Variants in RAD54L observed in about 807,000 individuals in gnomAD.
The protein encoded by RAD54L is RAD54 like, also known as DNA repair and recombination protein RAD54-like.
RAD54L carries 74 observed loss-of-function variants against 91.6 expected under a neutral mutation model. The observed-to-expected ratio is 0.81, with a 90% confidence interval of 0.67 to 0.98. RAD54L has a LOEUF of 0.98. Among genes scored for constraint, RAD54L ranks in the 50% least tolerant of loss-of-function variants. RAD54L has a pLI of 0.00. For missense variants in RAD54L, 887 were observed against 945.7 expected, an observed-to-expected ratio of 0.94 and a Z score of 0.81; for synonymous variants, 304 against 349.7, an observed-to-expected ratio of 0.87 and a Z score of 1.46.
intron 3 of RAD54L, among the ~76,000 whole-genome samples, chr1:46,252,037 C>T (rs1029673142): frequency 6.6e-6 from 1 of 152,146 alleles, no homozygotes; most frequent in African/African-American, 2.4e-5. Context: ...AACAGGAGAC[C>T]TATGGGTCTG....
At chr1:46,274,302 A>ATTT (rs375364553) in intron 15 of RAD54L, 86 bp downstream of exon 15, 47 of 1,182,632 alleles carry the variant, frequency 4.0e-5, no homozygotes, top group African/African-American at 2.5e-4. Flanking sequence ...GGTTACCTTG[A>ATTT]TTTTTTTTTT....
At chr1:46,258,568 C>T in intron 3 of RAD54L, 118 bp from the exon 4 acceptor site, 1 of 812,068 alleles carries the variant, frequency 1.2e-6, no homozygotes, top group Non-Finnish European at 2.1e-6. Context: ...TTTGTAGAAC[C>T]TTACATAAAG....
chr1:46,266,163 A>G, intron 8 of RAD54L, among the ~76,000 whole-genome samples: 1 of 152,204 alleles, frequency 6.6e-6, no homozygotes, highest in East Asian at 1.9e-4. Flanking sequence ...GGGCAAAGAG[A>G]CATAAGGAAA....
At chr1:46,250,799 AC>A (rs1344220773) in intron 3 of RAD54L, among the ~76,000 whole-genome samples, 1 of 151,762 alleles carries the variant, frequency 6.6e-6, no homozygotes, top group Admixed American at 6.6e-5. Flanking sequence ...ACATGGTGAA[AC>A]CCCGTCTCTA....
chr1:46,257,462 A>G (rs1659975712), intron 3 of RAD54L, among the ~76,000 whole-genome samples: 1 of 152,192 alleles, frequency 6.6e-6, no homozygotes, highest in African/African-American at 2.4e-5. Flanking sequence ...GTGGACCAGA[A>G]CTTCCATGGG....
At chr1:46,274,494 T>G in intron 15 of RAD54L, 44 bp from the exon 16 acceptor site, 1 of 1,599,170 alleles carries the variant, frequency 6.3e-7, no homozygotes, top group Non-Finnish European at 8.6e-7. Flanking sequence ...GATCCCAGTT[T>G]AGGCTATAAG....
At chr1:46,277,656 T>C in intron 16 of RAD54L, 161 bp from the exon 17 acceptor site, 1 of 800,908 alleles carries the variant, frequency 1.2e-6, no homozygotes, top group Middle Eastern at 3.6e-4. Context: ...ACTGGGAAAA[T>C]GGACCTCAGC....
chr1:46,251,682 G>A (rs1254040002), intron 3 of RAD54L, among the ~76,000 whole-genome samples: 3 of 152,180 alleles, frequency 2.0e-5, no homozygotes, highest in Admixed American at 1.3e-4. Context: ...CAAGGTAGGC[G>A]GATAGCTTGA....
chr1:46,267,933 C>T (rs367847229), intron 9 of RAD54L, among the ~76,000 whole-genome samples: 1 of 152,180 alleles, frequency 6.6e-6, no homozygotes, highest in South Asian at 2.1e-4. Flanking sequence ...GTTTTGGCCT[C>T]AGAGCAAGCT....
At chr1:46,248,690 A>G in intron 2 of RAD54L, 92 bp downstream of exon 2, 1 of 1,094,806 alleles carries the variant, frequency 9.1e-7, no homozygotes, top group Non-Finnish European at 1.4e-6. Flanking sequence ...AGCCAATTCC[A>G]GATGCCTCTT....
chr1:46,251,241 G>A (rs556677109), intron 3 of RAD54L, among the ~76,000 whole-genome samples: 17 of 152,210 alleles, frequency 1.1e-4, no homozygotes, highest in Non-Finnish European at 1.3e-4. Context: ...GAACCCGGGA[G>A]GCAGCGGTTG....
chr1:46,261,097 T>C, intron 7 of RAD54L, 82 bp downstream of exon 7: 1 of 1,558,464 alleles, frequency 6.4e-7, no homozygotes, highest in Non-Finnish European at 8.7e-7. Context: ...ATGGCCAGGG[T>C]GGAGGGCAAT....
intron 8 of RAD54L, 77 bp downstream of exon 8, chr1:46,261,462 C>G (rs1569584100): frequency 6.4e-7 from 1 of 1,557,122 alleles, no homozygotes; most frequent in Non-Finnish European, 8.8e-7. Context: ...CTTCCAAGGG[C>G]TGTGCTAGTC....
chr1:46,273,327 A>T, intron 12 of RAD54L, 28 bp from the exon 13 acceptor site: 1 of 1,562,982 alleles, frequency 6.4e-7, no homozygotes, highest in South Asian at 1.1e-5. Flanking sequence ...AAAGCAAAGT[A>T]TCTGGGTTTT....
intron 12 of RAD54L, among the ~76,000 whole-genome samples, chr1:46,273,095 G>A (rs1310360754): frequency 6.6e-6 from 1 of 152,198 alleles, no homozygotes; most frequent in Non-Finnish European, 1.5e-5. Context: ...TGTTGGGCAG[G>A]AGGAAAAATA....
intron 8 of RAD54L, among the ~76,000 whole-genome samples, chr1:46,264,268 A>G (rs1479235279): frequency 6.6e-6 from 1 of 152,204 alleles, no homozygotes; most frequent in Non-Finnish European, 1.5e-5. Context: ...TGAGGAACCA[A>G]AAGTCCTGAA....
chr1:46,270,413 C>T (rs1026687378), intron 9 of RAD54L, among the ~76,000 whole-genome samples: 9 of 151,570 alleles, frequency 5.9e-5, no homozygotes, highest in African/African-American at 2.2e-4. Flanking sequence ...GTGGACTATT[C>T]AATCCATTTA....
intron 2 of RAD54L, among the ~76,000 whole-genome samples, chr1:46,248,829 T>C (rs1659725060): frequency 6.6e-6 from 1 of 152,192 alleles, no homozygotes; most frequent in African/African-American, 2.4e-5. Context: ...TGGGAAAAGA[T>C]AAGCAAAAGA....
chr1:46,278,360 A>C lies in RAD54L; in HGVS notation c.*78A>C, dbSNP rs1660687807. 1 of 1,457,088 alleles carries C rather than the reference A, an allele frequency of 6.9e-7. No individual in the cohort carries two copies. The highest frequency in any genetic ancestry group is 1.4e-5 in the African/African-American group (1 of 71,160). 90.3% of individuals were successfully genotyped at this position (1,457,088 alleles called of 1,614,324 possible). A position where few individuals can be genotyped will look rare whatever the true frequency, so the allele number is the denominator to read the frequency against. ...CTCCTTGCTCCACAGGGCCCTGTTG[A>C]ATTTTGTTCTCTGGGAGAAAATCAT... is the stretch of plus-strand genomic sequence containing the variant. On this transcript the variant is annotated 3_prime_UTR_variant, in exon 18 of 18. Transcript: ENST00000371975.
Sources: gnomAD v4.1 joint callset for allele counts (sites outside exome capture counted in the v4.1 genomes callset) on GRCh38, gnomAD v4.1.1 for gene constraint, MANE v1.5 for transcripts, NCBI Gene and HGNC (gene_info 2026-07-23, HGNC 2026-07-21) for gene names.